The following NTM variants were observed in gnomAD, a reference collection of about 807,000 sequenced individuals.
The protein encoded by NTM is neurotrimin.
A neutral mutation model predicts 42.1 loss-of-function variants in NTM; 13 were observed. The ratio of observed to expected loss-of-function variants is 0.31; its 90% CI spans 0.20 to 0.49. NTM has a LOEUF of 0.49. Among genes scored for constraint, NTM ranks in the 20% least tolerant of loss-of-function variants. NTM has a pLI of 0.99. For synonymous variants in NTM, 187 were observed against 179.2 expected, an observed-to-expected ratio of 1.04 and a Z score of -0.35; for missense variants, 373 against 452.8, an observed-to-expected ratio of 0.82 and a Z score of 1.60.
intron 4 of NTM, among the ~76,000 whole-genome samples, chr11:132,305,935 T>A (rs1417352789): frequency 6.6e-6 from 1 of 152,246 alleles, no homozygotes; most frequent in Non-Finnish European, 1.5e-5. Flanking sequence ...ATTTAGTATC[T>A]CTTTCTTGTT....
chr11:132,006,671 T>C (rs1461316464), intron 2 of NTM, among the ~76,000 whole-genome samples: 1 of 152,220 alleles, frequency 6.6e-6, no homozygotes, highest in Admixed American at 6.5e-5. Context: ...GGGGTGAGGC[T>C]TATGAGGCTG....
chr11:131,413,739 C>A (rs1191424868), intron 1 of NTM, among the ~76,000 whole-genome samples: 1 of 152,158 alleles, frequency 6.6e-6, no homozygotes, highest in Non-Finnish European at 1.5e-5. Context: ...GCAAGTGAGA[C>A]ACATGTTCCT....
At chr11:131,425,547 C>T (rs1948047822) in intron 1 of NTM, among the ~76,000 whole-genome samples, 1 of 152,200 alleles carries the variant, frequency 6.6e-6, no homozygotes, top group African/African-American at 2.4e-5. Flanking sequence ...TTCACAATCA[C>T]TAAAACAACA....
chr11:132,085,234 A>G (rs1454761982), intron 2 of NTM, among the ~76,000 whole-genome samples: 1 of 152,218 alleles, frequency 6.6e-6, no homozygotes, highest in African/African-American at 2.4e-5. Context: ...TACACCTTGC[A>G]TGTAAATGTA....
At chr11:132,135,537 A>G (rs1481042887) in intron 2 of NTM, among the ~76,000 whole-genome samples, 1 of 152,216 alleles carries the variant, frequency 6.6e-6, no homozygotes, top group Non-Finnish European at 1.5e-5. Flanking sequence ...CAAGAAGCCA[A>G]GTGGAGGCTC....
chr11:131,442,131 T>C (rs2135982792), intron 1 of NTM, among the ~76,000 whole-genome samples: 1 of 152,334 alleles, frequency 6.6e-6, no homozygotes, highest in East Asian at 1.9e-4. Flanking sequence ...TTTTCAGGAC[T>C]GAGCCTTAAC....
chr11:132,198,527 C>T (rs960205384), intron 3 of NTM, among the ~76,000 whole-genome samples: 1 of 152,102 alleles, frequency 6.6e-6, no homozygotes. Flanking sequence ...TACGACTAAA[C>T]TGTATACTTA....
intron 7 of NTM, among the ~76,000 whole-genome samples, chr11:132,325,919 A>G (rs2095669266): frequency 6.6e-6 from 1 of 152,112 alleles, no homozygotes; most frequent in Admixed American, 6.5e-5. Flanking sequence ...TCGCAAGGAC[A>G]AAAAACCAAA....
rs565074022 is a variant in NTM, at chr11:131,659,489, G to A, written c.83-252075G>A. 4.6e-5 allele frequency among the ~76,000 whole-genome samples: 7 copies of A among 152,246 alleles called. No homozygotes were observed. In the East Asian group the frequency reaches 5.8e-4, roughly 13 times the overall value. On this transcript the variant is annotated intron_variant, in intron 1 of 8. Coordinates refer to ENST00000683400, the MANE Select transcript of NTM (RefSeq NM_001352005.2). The stretch of plus-strand genomic sequence containing the variant: ...TATAGGGCATGGTGGCCGGGCCATC[G>A]ACTTCAAGGTCCTCTGGCCACTGCT...
intron 7 of NTM, among the ~76,000 whole-genome samples, chr11:132,328,447 A>G (rs1183736379): frequency 6.6e-6 from 1 of 152,070 alleles, no homozygotes; most frequent in Non-Finnish European, 1.5e-5. Flanking sequence ...AAGAGAAAAA[A>G]ACCCCATCTG....
At chr11:132,264,599 G>T (rs534954012) in intron 4 of NTM, among the ~76,000 whole-genome samples, 9 of 152,126 alleles carry the variant, frequency 5.9e-5, no homozygotes, top group African/African-American at 2.2e-4. Context: ...ACACTGTATT[G>T]TATATTTGCA....
intron 1 of NTM, among the ~76,000 whole-genome samples, chr11:131,812,200 CTCTCTCTCTCTCTCTCT>C (rs1192550695): frequency 3.4e-5 from 1 of 29,356 alleles, no homozygotes; most frequent in Non-Finnish European, 1.1e-4. Context: ...CTCTCTCTCT[CTCTCTCTCTCTCTCTCT>C]CTCTTCCCCT....
intron 2 of NTM, among the ~76,000 whole-genome samples, chr11:132,131,109 G>A (rs1591710441): frequency 6.6e-6 from 1 of 152,308 alleles, no homozygotes; most frequent in Non-Finnish European, 1.5e-5. Context: ...TGCATTCTCC[G>A]TTCTCATTTT....
chr11:132,134,689 C>T lies in NTM; in HGVS notation c.168-11593C>T, dbSNP rs185181485. ...CCATTATTTTGTTCCTTTTTATGGCCGAGTAGTATTCCATGGTATATATAT... is the reference window on the plus strand; with the variant it reads ...CCATTATTTTGTTCCTTTTTATGGCTGAGTAGTATTCCATGGTATATATAT... On this transcript the variant is annotated intron_variant, in intron 2 of 8. Coordinates refer to ENST00000683400, the MANE Select transcript of NTM (RefSeq NM_001352005.2). 2.5e-4 allele frequency among the ~76,000 whole-genome samples: 27 copies of T among 106,948 alleles called. 2 individuals are homozygous for T. Among genetic ancestry groups the T allele is most frequent in the East Asian group, 1.0e-3 (3 of 2,944 alleles). 70.2% of individuals were successfully genotyped at this position (106,948 alleles called of 152,430 possible).
At chr11:132,290,474 T>C (rs563605868) in intron 4 of NTM, among the ~76,000 whole-genome samples, 3 of 152,280 alleles carry the variant, frequency 2.0e-5, no homozygotes, top group African/African-American at 2.4e-5. Flanking sequence ...TAAATATGCA[T>C]TGGATACTGA....
At chr11:131,505,527 C>G (rs952321058) in intron 1 of NTM, among the ~76,000 whole-genome samples, 19 of 152,150 alleles carry the variant, frequency 1.2e-4, no homozygotes, top group African/African-American at 4.3e-4. Flanking sequence ...TTATTTACCC[C>G]CTTTTCACAG....
In NTM at chr11:132,228,153, C is replaced by T. The variant is rs138053854; in HGVS notation, c.526+16006C>T. 6.2e-3 allele frequency among the ~76,000 whole-genome samples: 950 copies of T among 152,270 alleles called. 5 individuals are homozygous for T. The highest frequency in any genetic ancestry group is 0.01 in the Non-Finnish European group (712 of 68,014). On this transcript the variant is annotated intron_variant, in intron 4 of 8. Transcript: ENST00000683400. ...AGGGAGTGGAAGTGCAGGGGCAACC[C>T]AACGCCACAGAAATGTGGACAAACA...
chr11:131,863,052 A>C (rs2136978577), intron 1 of NTM, among the ~76,000 whole-genome samples: 1 of 152,372 alleles, frequency 6.6e-6, no homozygotes, highest in South Asian at 2.1e-4. Context: ...ACTCAAGAGC[A>C]GTGTTCTTTC....
intron 1 of NTM, among the ~76,000 whole-genome samples, chr11:131,463,599 A>G (rs1951611352): frequency 6.6e-6 from 1 of 152,224 alleles, no homozygotes; most frequent in Admixed American, 6.5e-5. Context: ...ATACTTATTA[A>G]TACATTTATC....
Sources: allele counts gnomAD v4.1 joint callset (sites outside exome capture counted in the v4.1 genomes callset), GRCh38; gene constraint gnomAD v4.1.1; transcripts MANE v1.5; gene names NCBI Gene and HGNC (gene_info 2026-07-23, HGNC 2026-07-21).